The following FNIP1 variants were observed in gnomAD, a reference collection of about 807,000 sequenced individuals.
FNIP1 encodes the protein folliculin interacting protein 1, also known as folliculin-interacting protein 1.
A neutral mutation model predicts 124.5 loss-of-function variants in FNIP1; 40 were observed. The observed-to-expected ratio is 0.32, with a 90% CI of 0.25 to 0.42. The LOEUF (loss-of-function observed/expected upper bound fraction) is 0.42, where lower values mean the gene tolerates loss of function less well. Among genes scored for constraint, FNIP1 ranks in the 10% least tolerant of loss-of-function variants. The pLI, the probability that FNIP1 is intolerant of heterozygous loss-of-function variation, is 1.00. For synonymous variants in FNIP1, 472 were observed against 470.6 expected, an observed-to-expected ratio of 1.00 and a Z score of -0.04; for missense variants, 1,176 against 1,403.7, an observed-to-expected ratio of 0.84 and a Z score of 2.59.
At chr5:131,711,143 A>C (rs1301677776) in intron 6 of FNIP1, among the ~76,000 whole-genome samples, 1 of 152,226 alleles carries the variant, frequency 6.6e-6, no homozygotes, top group Non-Finnish European at 1.5e-5. Context: ...GCAAAACCAG[A>C]AGAGATCTTA....
chr5:131,733,642 C>T (rs1268008474), intron 2 of FNIP1, among the ~76,000 whole-genome samples: 3 of 152,096 alleles, frequency 2.0e-5, no homozygotes, highest in Middle Eastern at 3.2e-3. Context: ...TATTGATTTG[C>T]GTATGTTAAA....
At chr5:131,796,478 C>A (rs1167934886) in intron 1 of FNIP1, 5 of 290,652 alleles carry the variant, frequency 1.7e-5, no homozygotes, top group Non-Finnish European at 2.6e-5. Flanking sequence ...GAGGTCCAAT[C>A]CAGCCCGCGC....
intron 1 of FNIP1, among the ~76,000 whole-genome samples, chr5:131,781,134 G>A (rs996507424): frequency 7.2e-5 from 11 of 152,246 alleles, no homozygotes; most frequent in African/African-American, 2.7e-4. Flanking sequence ...TTAAGCCAAA[G>A]CCTAATCCAG....
At chr5:131,671,362 C>T in intron 14 of FNIP1, 143 bp downstream of exon 14, 1 of 709,200 alleles carries the variant, frequency 1.4e-6, no homozygotes, top group Non-Finnish European at 2.2e-6. Flanking sequence ...GCCTTTACTC[C>T]TTCTTATGAG....
At chr5:131,739,133 C>T (rs1770420308) in intron 2 of FNIP1, among the ~76,000 whole-genome samples, 1 of 152,152 alleles carries the variant, frequency 6.6e-6, no homozygotes, top group Non-Finnish European at 1.5e-5. Context: ...ACCTTTTCCA[C>T]TCCACAGATA....
At position 131,643,695 on chromosome 5, in the gene FNIP1, T is replaced by G. The variant is rs1766784000; in HGVS notation, c.*990A>C. ...GTTATGAATAGTGTAAATTGAGGATTATTAAGCAGTGAAACAAATATTCAG... is the reference window on the plus strand; with the variant it reads ...GTTATGAATAGTGTAAATTGAGGATGATTAAGCAGTGAAACAAATATTCAG... On this transcript the variant is annotated 3_prime_UTR_variant, in exon 18 of 18. Transcript: ENST00000510461. 1 of 152,670 alleles carries G rather than the reference T, an allele frequency of 6.6e-6. No homozygotes were observed. 9.5% of individuals were successfully genotyped at this position (152,670 alleles called of 1,614,324 possible).
chr5:131,709,700 T>A lies in FNIP1; in HGVS notation c.707-428A>T, dbSNP rs1769226544. Among the ~76,000 whole-genome samples the A allele has an allele frequency of 3.3e-5, 5 of 152,332 alleles. No homozygotes were observed. In the South Asian group the frequency reaches 8.3e-4, roughly 25 times the overall value. On this transcript the variant is annotated intron_variant, in intron 7 of 17. Coordinates refer to ENST00000510461, the MANE Select transcript of FNIP1 (RefSeq NM_133372.3). ...AAATTCTCTATAATAAATTGAGATATTTATTTGAATAGTATGATCCCCATT... is the reference window on the plus strand; with the variant it reads ...AAATTCTCTATAATAAATTGAGATAATTATTTGAATAGTATGATCCCCATT...
chr5:131,750,616 CT>C (rs537818966), intron 1 of FNIP1, among the ~76,000 whole-genome samples: 510 of 137,842 alleles, frequency 3.7e-3, no homozygotes, highest in Admixed American at 4.5e-3. Flanking sequence ...TCCCTTCTTT[CT>C]TTTTTTTTTT....
At chr5:131,665,898 AC>A (rs61636288) in intron 15 of FNIP1, among the ~76,000 whole-genome samples, 17,265 of 114,734 alleles carry the variant, frequency 0.15, 3,561 homozygotes, top group African/African-American at 0.44. Flanking sequence ...CTAAAATAAT[AC>A]TTTTTTTTTT....
chr5:131,733,741 T>C (rs528180744), intron 2 of FNIP1, among the ~76,000 whole-genome samples: 8 of 152,366 alleles, frequency 5.3e-5, no homozygotes, highest in African/African-American at 1.9e-4. Context: ...CAGTATTTTA[T>C]TGAGGATTTC....
At chr5:131,660,774 G>C (rs1458785237) in intron 15 of FNIP1, among the ~76,000 whole-genome samples, 2 of 152,212 alleles carry the variant, frequency 1.3e-5, no homozygotes, top group Admixed American at 1.3e-4. Context: ...GATCACCCTT[G>C]TGGCTACCTG....
At chr5:131,777,945 G>A (rs1038552400) in intron 1 of FNIP1, among the ~76,000 whole-genome samples, 3 of 152,208 alleles carry the variant, frequency 2.0e-5, no homozygotes, top group Non-Finnish European at 4.4e-5. Context: ...ACCAATGGAT[G>A]CTAAAACCAT....
intron 2 of FNIP1, among the ~76,000 whole-genome samples, chr5:131,742,262 G>C (rs1027670802): frequency 6.6e-6 from 1 of 152,140 alleles, no homozygotes; most frequent in Admixed American, 6.5e-5. Flanking sequence ...CCAGAAGTTC[G>C]AGACCAGTCT....
At chr5:131,749,401 T>A (rs1770792462) in intron 1 of FNIP1, among the ~76,000 whole-genome samples, 1 of 150,710 alleles carries the variant, frequency 6.6e-6, no homozygotes, top group Admixed American at 6.6e-5. Context: ...TCTTTTTTTT[T>A]TTTTTTTTTG....
intron 1 of FNIP1, among the ~76,000 whole-genome samples, chr5:131,756,453 A>G (rs1349830411): frequency 6.6e-6 from 1 of 152,194 alleles, no homozygotes; most frequent in Non-Finnish European, 1.5e-5. Flanking sequence ...ACAGGTGTAT[A>G]ATATAAAGGA....
rs185755894 is a variant in FNIP1, at chr5:131,737,003, T to C, written c.220-5965A>G. ...GTTAATAAAAATTATAACCTAGTTA[T>C]AGAAAGCCAGTTGTATTTTTCAGTA... is the stretch of plus-strand genomic sequence containing the variant. On this transcript the variant is annotated intron_variant, in intron 2 of 17. Transcript: ENST00000510461. Among the ~76,000 whole-genome samples the C allele has an allele frequency of 1.0e-3, 157 of 152,344 alleles. 1 individual carries two copies. Among genetic ancestry groups the C allele is most frequent in the African/African-American group, 3.6e-3 (150 of 41,582 alleles).
At chr5:131,716,720 A>G in intron 5 of FNIP1, 64 bp from the exon 6 acceptor site, 1 of 979,854 alleles carries the variant, frequency 1.0e-6, no homozygotes, top group East Asian at 2.7e-5. Flanking sequence ...AATTCTTTGT[A>G]CATCCTGATG....
Position 131,672,617 on chromosome 5 carries a change from G to C in FNIP1, c.1827C>G (p.Asn609Lys). 1 of 1,614,148 alleles carries C rather than the reference G, an allele frequency of 6.2e-7. No individual in the cohort carries two copies. The stretch of plus-strand genomic sequence containing the variant: ...GGAGTGGATGACTGCAATATTTACA[G>C]TTACAATTGGGAGTTCTAATTTCTT... ...ESEEIRTPNC[N>K]CKYCSHPLLG... The change falls in exon 14 of 18, where the codon AAC (asparagine) becomes AAG (lysine). Residue 609 changes from asparagine (N) to lysine (K), a missense_variant. Asn to Lys is a moderately conservative substitution (Grantham distance 94). Coordinates refer to ENST00000510461, the MANE Select transcript of FNIP1 (RefSeq NM_133372.3).
chr5:131,755,937 A>G (rs1395000716), intron 1 of FNIP1, among the ~76,000 whole-genome samples: 1 of 151,878 alleles, frequency 6.6e-6, no homozygotes, highest in Non-Finnish European at 1.5e-5. Flanking sequence ...TGAACCTGGG[A>G]GGCAAAGGTT....
Sources: gnomAD v4.1 joint callset for allele counts (sites outside exome capture counted in the v4.1 genomes callset) on GRCh38, gnomAD v4.1.1 for gene constraint, MANE v1.5 for transcripts, NCBI Gene and HGNC (gene_info 2026-07-23, HGNC 2026-07-21) for gene names.